Variants in NRXN3 observed in about 807,000 individuals in gnomAD.
NRXN3 encodes neurexin III.
A neutral mutation model predicts 137.6 loss-of-function variants in NRXN3; 32 were observed. The observed-to-expected ratio is 0.23, with a 90% confidence interval of 0.18 to 0.31. The LOEUF is 0.31. NRXN3 is among the 10% of genes least tolerant of loss of function. NRXN3 has a pLI of 1.00. For missense variants in NRXN3, 1,574 were observed against 2,062.5 expected, an observed-to-expected ratio of 0.76 and a Z score of 4.59; for synonymous variants, 798 against 784.5, an observed-to-expected ratio of 1.02 and a Z score of -0.29.
intron 15 of NRXN3, among the ~76,000 whole-genome samples, chr14:79,398,421 A>C (rs765442173): frequency 3.9e-5 from 6 of 152,140 alleles, no homozygotes; most frequent in Non-Finnish European, 5.9e-5. Context: ...AACACAAATC[A>C]TGTCTTTCAC....
At chr14:78,469,095 A>C (rs1246275798) in intron 4 of NRXN3, among the ~76,000 whole-genome samples, 2 of 152,180 alleles carry the variant, frequency 1.3e-5, no homozygotes, top group Non-Finnish European at 2.9e-5. Context: ...TTACACAATA[A>C]AATCGCCTAA....
intron 4 of NRXN3, among the ~76,000 whole-genome samples, chr14:78,414,145 G>T (rs1377975507): frequency 6.6e-6 from 1 of 152,064 alleles, no homozygotes; most frequent in Non-Finnish European, 1.5e-5. Flanking sequence ...CCAGTCTTGG[G>T]TACGTCTTTA....
intron 15 of NRXN3, among the ~76,000 whole-genome samples, chr14:79,111,771 T>C (rs555759836): frequency 2.0e-5 from 3 of 149,558 alleles, no homozygotes; most frequent in South Asian, 4.2e-4. Flanking sequence ...CAAGTATAAA[T>C]GTATCAGAAC....
intron 4 of NRXN3, among the ~76,000 whole-genome samples, chr14:78,313,445 G>T (rs1197038780): frequency 2.0e-5 from 3 of 151,472 alleles, no homozygotes; most frequent in Non-Finnish European, 4.4e-5. Flanking sequence ...TAATCCTCCA[G>T]TTTCCCTACT....
chr14:78,689,824 T>TTCTC (rs143870046), intron 6 of NRXN3, among the ~76,000 whole-genome samples: 11 of 146,810 alleles, frequency 7.5e-5, no homozygotes, highest in Non-Finnish European at 1.1e-4. Flanking sequence ...CTCACTCTCT[T>TTCTC]TCTCTCTCTC....
intron 4 of NRXN3, among the ~76,000 whole-genome samples, chr14:78,569,066 C>T (rs2096864262): frequency 6.8e-6 from 1 of 146,118 alleles, no homozygotes; most frequent in Non-Finnish European, 1.5e-5. Flanking sequence ...CTCCCAGGTT[C>T]ACACCATTCT....
At chr14:79,696,486 G>A (rs1268449336) in intron 18 of NRXN3, among the ~76,000 whole-genome samples, 1 of 151,816 alleles carries the variant, frequency 6.6e-6, no homozygotes, top group Non-Finnish European at 1.5e-5. Context: ...ATATGGAAAA[G>A]CAAAATGAAG....
At chr14:79,011,228 A>G (rs760030142) in intron 15 of NRXN3, among the ~76,000 whole-genome samples, 1 of 152,122 alleles carries the variant, frequency 6.6e-6, no homozygotes, top group Non-Finnish European at 1.5e-5. Context: ...TTCACTAGAC[A>G]CTGAGAGACT....
At chr14:78,578,957 A>G (rs574525117) in intron 4 of NRXN3, among the ~76,000 whole-genome samples, 2 of 130,826 alleles carry the variant, frequency 1.5e-5, no homozygotes, top group South Asian at 4.5e-4. Context: ...AAGAAAAAAG[A>G]AAAAAAAAAA....
intron 1 of NRXN3, among the ~76,000 whole-genome samples, chr14:78,189,579 C>T (rs1028912183): frequency 3.9e-5 from 6 of 152,126 alleles, no homozygotes; most frequent in Admixed American, 6.6e-5. Context: ...GGCAATTTTC[C>T]GGGCCATTTT....
intron 4 of NRXN3, among the ~76,000 whole-genome samples, chr14:78,518,763 A>G (rs1304662913): frequency 1.3e-5 from 2 of 152,136 alleles, no homozygotes; most frequent in Non-Finnish European, 2.9e-5. Context: ...TGGTTCACAG[A>G]TGGATACATC....
chr14:79,260,048 C>T (rs1432955161), intron 15 of NRXN3, among the ~76,000 whole-genome samples: 1 of 152,056 alleles, frequency 6.6e-6, no homozygotes, highest in Non-Finnish European at 1.5e-5. Context: ...TGGAATGATC[C>T]TGGTCATATG....
intron 15 of NRXN3, among the ~76,000 whole-genome samples, chr14:79,152,819 C>T (rs1481601471): frequency 6.6e-6 from 1 of 151,972 alleles, no homozygotes; most frequent in South Asian, 2.1e-4. Flanking sequence ...ATATCAGAGG[C>T]ACACACAATT....
At chr14:79,798,141 A>G (rs1001636307) in intron 19 of NRXN3, among the ~76,000 whole-genome samples, 4 of 152,038 alleles carry the variant, frequency 2.6e-5, no homozygotes, top group Non-Finnish European at 5.9e-5. Context: ...ATGTGTGGGT[A>G]TTAGCACTGA....
intron 15 of NRXN3, among the ~76,000 whole-genome samples, chr14:79,016,123 G>C (rs1404498415): frequency 6.6e-6 from 1 of 152,090 alleles, no homozygotes; most frequent in African/African-American, 2.4e-5. Context: ...AAGCTGAGAG[G>C]GCTTTCTGTG....
intron 4 of NRXN3, among the ~76,000 whole-genome samples, chr14:78,550,517 AG>A (rs2096677787): frequency 7.5e-6 from 1 of 133,484 alleles, no homozygotes; most frequent in Admixed American, 7.8e-5. Context: ...GTGTTTTAAA[AG>A]AAAATCTGAG....
chr14:79,372,582 A>G (rs2094142601), intron 15 of NRXN3, among the ~76,000 whole-genome samples: 1 of 152,160 alleles, frequency 6.6e-6, no homozygotes, highest in Admixed American at 6.5e-5. Flanking sequence ...CTTTAGAAAA[A>G]GATCAGAGAT....
Position 78,288,558 on chromosome 14 carries a change from G to A in NRXN3, c.728-9273G>A, listed in dbSNP as rs532403697. On this transcript the variant is annotated intron_variant, in intron 3 of 20. Transcript: ENST00000335750. ...TCACACCATGATCTATGTGGGTGCA[G>A]TGCTTTTATCTAGCACATCAGCTGT... is the stretch of plus-strand genomic sequence containing the variant. 3.3e-5 allele frequency among the ~76,000 whole-genome samples: 5 copies of A among 152,316 alleles called. No individual in the cohort carries two copies. In the South Asian group the frequency reaches 1.0e-3, roughly 32 times the overall value.
intron 10 of NRXN3, among the ~76,000 whole-genome samples, chr14:78,877,638 A>G (rs2099116996): frequency 1.3e-5 from 2 of 152,250 alleles, no homozygotes; most frequent in Non-Finnish European, 2.9e-5. Context: ...ATTAATGAAT[A>G]GACAGGCTTT....
Sources: allele counts gnomAD v4.1 joint callset (sites outside exome capture counted in the v4.1 genomes callset), GRCh38; gene constraint gnomAD v4.1.1; transcripts MANE v1.5; gene names NCBI Gene and HGNC (gene_info 2026-07-23, HGNC 2026-07-21).